Variants in PACSIN2 observed in about 807,000 individuals in gnomAD.
The protein encoded by PACSIN2 is protein kinase C and casein kinase substrate in neurons protein 2.
In PACSIN2, 25 loss-of-function variants were observed where a neutral mutation model predicts 63.8. The observed-to-expected ratio is 0.39, with a 90% CI of 0.29 to 0.55. The LOEUF (loss-of-function observed/expected upper bound fraction) is 0.55, where lower values mean the gene tolerates loss of function less well. Among genes scored for constraint, PACSIN2 ranks in the 20% least tolerant of loss-of-function variants. PACSIN2 has a pLI of 0.62. For synonymous variants in PACSIN2, 255 were observed against 256.2 expected (o/e 1.00, Z 0.05); for missense variants, 518 against 646.9 (o/e 0.80, Z 2.16).
At chr22:42,935,609 C>T (rs1049353475) in intron 1 of PACSIN2, among the ~76,000 whole-genome samples, 6 of 152,268 alleles carry the variant, frequency 3.9e-5, no homozygotes, top group Admixed American at 2.0e-4. Flanking sequence ...TCATCAAGTC[C>T]TATAATCACT....
chr22:42,893,504 T>A lies in PACSIN2; in HGVS notation c.170A>T (p.Gln57Leu). The change falls in exon 3 of 11, where the codon CAG (glutamine) becomes CTG (leucine). Residue 57 changes from glutamine to leucine, a missense_variant. Gln to Leu is a moderately radical substitution (Grantham distance 113). Transcript: ENST00000263246. ...GCGCCGGGCCCACTCAGTGAGCTGC[T>A]GCGCATACGCCTTCTCGATGCGCGC... ...ERARIEKAYA[Q>L]QLTEWARRWR... 6.2e-7 allele frequency: 1 copy of A among 1,614,080 alleles called. No homozygotes were observed. The highest frequency in any genetic ancestry group is 8.5e-7 in the Non-Finnish European group (1 of 1,180,042).
chr22:43,012,600 C>A (rs934349908), intron 1 of PACSIN2, among the ~76,000 whole-genome samples: 4 of 152,050 alleles, frequency 2.6e-5, no homozygotes, highest in Non-Finnish European at 4.4e-5. Flanking sequence ...CATGCCACAG[C>A]CTCCCAAGTA....
chr22:42,905,078 T>C (rs1300796449), intron 2 of PACSIN2, among the ~76,000 whole-genome samples: 1 of 152,234 alleles, frequency 6.6e-6, no homozygotes, highest in Non-Finnish European at 1.5e-5. Context: ...GAAAATAAAA[T>C]TTTATCTTCA....
chr22:42,979,705 GCTTT>G (rs1392693455), intron 1 of PACSIN2, among the ~76,000 whole-genome samples: 1 of 152,036 alleles, frequency 6.6e-6, no homozygotes, highest in Non-Finnish European at 1.5e-5. Flanking sequence ...GGCACCTGCC[GCTTT>G]CTAACTTGGG....
At chr22:42,933,196 T>C (rs1216866473) in intron 1 of PACSIN2, among the ~76,000 whole-genome samples, 2 of 152,218 alleles carry the variant, frequency 1.3e-5, no homozygotes, top group Admixed American at 6.5e-5. Flanking sequence ...CTTTAAGAAA[T>C]TGGAAACAAA....
intron 1 of PACSIN2, among the ~76,000 whole-genome samples, chr22:42,971,015 T>C (rs1274302401): frequency 6.6e-6 from 1 of 152,120 alleles, no homozygotes; most frequent in African/African-American, 2.4e-5. Flanking sequence ...CACTCAGCAG[T>C]TTCTGAGGGT....
chr22:42,906,580 G>C (rs1931090790), intron 2 of PACSIN2, among the ~76,000 whole-genome samples: 1 of 151,620 alleles, frequency 6.6e-6, no homozygotes, highest in Non-Finnish European at 1.5e-5. Context: ...AGCTCAGGGG[G>C]AGGGTCACCC....
intron 10 of PACSIN2, among the ~76,000 whole-genome samples, chr22:42,874,873 A>ATTTTTAGTC (rs1928477584): frequency 7.1e-6 from 1 of 140,938 alleles, no homozygotes; most frequent in Non-Finnish European, 1.6e-5. Context: ...TTTTTTGAAA[A>ATTTTTAGTC]AGAGTTTTGC....
intron 2 of PACSIN2, among the ~76,000 whole-genome samples, chr22:42,906,553 A>G (rs956449986): frequency 6.6e-6 from 1 of 152,194 alleles, no homozygotes; most frequent in African/African-American, 2.4e-5. Flanking sequence ...CTGAACCACA[A>G]TGGAAATGTC....
intron 1 of PACSIN2, among the ~76,000 whole-genome samples, chr22:42,982,378 C>CA (rs1170856471): frequency 1.9e-5 from 2 of 103,762 alleles, no homozygotes; most frequent in African/African-American, 8.2e-5. Context: ...GAGGTGTGCC[C>CA]AGCGGCTCAT....
intron 1 of PACSIN2, among the ~76,000 whole-genome samples, chr22:42,986,588 T>G (rs1415136531): frequency 6.6e-6 from 1 of 151,876 alleles, no homozygotes; most frequent in African/African-American, 2.4e-5. Flanking sequence ...ACAGTGACAC[T>G]CTAATGGGGG....
chr22:42,910,252 G>A (rs538362993), intron 2 of PACSIN2, among the ~76,000 whole-genome samples: 16 of 152,304 alleles, frequency 1.1e-4, no homozygotes, highest in African/African-American at 3.8e-4. Flanking sequence ...TCAAGGCAGG[G>A]AATGATTGGT....
intron 1 of PACSIN2, among the ~76,000 whole-genome samples, chr22:42,997,138 T>C (rs1601615530): frequency 6.6e-6 from 1 of 151,844 alleles, no homozygotes; most frequent in Non-Finnish European, 1.5e-5. Context: ...AGGCTGGGGG[T>C]GTTTAATCAC....
At chr22:42,935,230 C>A (rs1932882007) in intron 1 of PACSIN2, among the ~76,000 whole-genome samples, 1 of 152,022 alleles carries the variant, frequency 6.6e-6, no homozygotes, top group South Asian at 2.1e-4. Context: ...CAGCCCAGGG[C>A]ATGAATTTTT....
rs144845457 is a variant in PACSIN2 at position 42,954,615 on chromosome 22, A to G, written c.-77-42458T>C. ...CACTATGTTGTCCAGACTGGTCTCA[A>G]TGACTTTTTAATTTTAGTCAATTTT... On this transcript the variant is annotated intron_variant, in intron 1 of 10. Transcript: ENST00000263246. Among the ~76,000 whole-genome samples the G allele has an allele frequency of 7.6e-3, 1,163 of 152,310 alleles. 8 individuals carry two copies. Among genetic ancestry groups the G allele is most frequent in the Admixed American group, 0.012 (190 of 15,292 alleles).
At chr22:42,880,035 AT>A (rs1182807538) in intron 7 of PACSIN2, among the ~76,000 whole-genome samples, 2 of 152,178 alleles carry the variant, frequency 1.3e-5, no homozygotes, top group Non-Finnish European at 2.9e-5. Context: ...CTGTGTCTTG[AT>A]TTTCTAGAAG....
intron 1 of PACSIN2, among the ~76,000 whole-genome samples, chr22:42,940,568 C>T (rs1437542197): frequency 6.6e-6 from 1 of 152,224 alleles, no homozygotes; most frequent in Non-Finnish European, 1.5e-5. Context: ...ATGAGCCCCG[C>T]CCTGGGACAG....
At chr22:42,933,609 G>A (rs539109454) in intron 1 of PACSIN2, among the ~76,000 whole-genome samples, 1 of 152,224 alleles carries the variant, frequency 6.6e-6, no homozygotes, top group South Asian at 2.1e-4. Context: ...ACTCTCAACC[G>A]TGGCGCCTAA....
chr22:42,945,042 G>A (rs1039703966), intron 1 of PACSIN2, among the ~76,000 whole-genome samples: 3 of 151,078 alleles, frequency 2.0e-5, no homozygotes, highest in Non-Finnish European at 1.5e-5. Context: ...AGGTTGCGGT[G>A]AGCCAAGATC....
Sources: gnomAD v4.1 joint callset for allele counts (sites outside exome capture counted in the v4.1 genomes callset) on GRCh38, gnomAD v4.1.1 for gene constraint, MANE v1.5 for transcripts, NCBI Gene and HGNC (gene_info 2026-07-23, HGNC 2026-07-21) for gene names.